The following LMF1 variants were observed in gnomAD, a reference collection of about 807,000 sequenced individuals.
LMF1 encodes lipase maturation factor 1.
In LMF1, 68 loss-of-function variants were observed where a neutral mutation model predicts 60.6. The observed-to-expected ratio is 1.12, with a 90% CI of 0.92 to 1.37. The LOEUF (loss-of-function observed/expected upper bound fraction) is 1.37, where lower values mean the gene tolerates loss of function less well. LMF1 is among the 40% of genes most tolerant of loss of function. The probability of loss-of-function intolerance (pLI) is 0.00; values close to 1 mark genes in which losing one functional copy is unlikely to be tolerated. For missense variants in LMF1, 948 were observed against 767.2 expected (o/e 1.24, Z -2.78); for synonymous variants, 418 against 324.7 (o/e 1.29, Z -3.09).
intron 2 of LMF1, among the ~76,000 whole-genome samples, chr16:951,944 A>G (rs3844421): frequency 0.48 from 72,532 of 151,956 alleles, 18,993 homozygotes; most frequent in African/African-American, 0.7. Flanking sequence ...GGGGCAAACC[A>G]CAAACAGCCA....
chr16:946,000 C>A (rs116569141), intron 2 of LMF1, among the ~76,000 whole-genome samples: 3 of 152,178 alleles, frequency 2.0e-5, no homozygotes, highest in African/African-American at 4.8e-5. Context: ...ATAGGAAACC[C>A]TCTGGAAACA....
intron 1 of LMF1, chr16:979,656 C>A (rs919038913): frequency 2.2e-6 from 1 of 454,000 alleles, no homozygotes; most frequent in African/African-American, 2.0e-5. Context: ...GAAGAGGCCA[C>A]CCTGCCTGCT....
chr16:946,396 A>G (rs1166081316), intron 2 of LMF1, among the ~76,000 whole-genome samples: 1 of 152,208 alleles, frequency 6.6e-6, no homozygotes. Flanking sequence ...GCCAGAAGGA[A>G]GCGCTTCTCC....
At chr16:928,151 A>G (rs2071664672) in intron 3 of LMF1, among the ~76,000 whole-genome samples, 1 of 152,190 alleles carries the variant, frequency 6.6e-6, no homozygotes, top group South Asian at 2.1e-4. Context: ...CTCACACAGG[A>G]GCGCCCGTTG....
At chr16:899,316 T>TA (rs565910789) in intron 4 of LMF1, 119 of 152,406 alleles carry the variant, frequency 7.8e-4, no homozygotes, top group African/African-American at 2.8e-3. Context: ...TATCATTTTC[T>TA]AAAAATTCCC....
chr16:974,397 T>C (rs1041971339), upstream of LMF1, among the ~76,000 whole-genome samples: 17 of 152,064 alleles, frequency 1.1e-4, no homozygotes, highest in Admixed American at 3.3e-4. Context: ...GAGAGTGCCC[T>C]GTCAAGCAAA....
At chr16:923,218 G>C (rs563282866) in intron 3 of LMF1, among the ~76,000 whole-genome samples, 1 of 152,178 alleles carries the variant, frequency 6.6e-6, no homozygotes, top group African/African-American at 2.4e-5. Context: ...TGGGATCTGC[G>C]TCATGGCAAA....
chr16:972,519 T>A (rs1288548828), upstream of LMF1, among the ~76,000 whole-genome samples: 1 of 152,112 alleles, frequency 6.6e-6, no homozygotes, highest in Non-Finnish European at 1.5e-5. Flanking sequence ...GCCCACACTG[T>A]TCCCCTCATC....
chr16:977,593 T>C (rs968954732), intron 1 of LMF1, among the ~76,000 whole-genome samples: 5 of 151,956 alleles, frequency 3.3e-5, no homozygotes, highest in African/African-American at 7.3e-5. Flanking sequence ...TGCCAGCGGG[T>C]TCACGCCCGC....
At chr16:876,189 G>A (rs1401984051) in intron 6 of LMF1, among the ~76,000 whole-genome samples, 1 of 152,264 alleles carries the variant, frequency 6.6e-6, no homozygotes, top group African/African-American at 2.4e-5. Flanking sequence ...CGGAACCGAA[G>A]AGAAACAAGC....
At chr16:976,855 C>G (rs1158741777) in intron 1 of LMF1, 9 of 454,046 alleles carry the variant, frequency 2.0e-5, no homozygotes, top group Admixed American at 4.7e-5. Flanking sequence ...CACATGCGAA[C>G]AGCCTGGGCA....
chr16:856,681 C>G (rs919719321), intron 10 of LMF1, among the ~76,000 whole-genome samples: 1 of 152,248 alleles, frequency 6.6e-6, no homozygotes, highest in African/African-American at 2.4e-5. Flanking sequence ...TCAGAACCCT[C>G]TGTGCCAACT....
Position 977,146 on chromosome 16 carries a change from G to A in LMF1, c.-135+3999C>T, listed in dbSNP as rs1298093961. On this transcript the variant is annotated intron_variant, in intron 1 of 6. Transcript: ENST00000570014. The stretch of plus-strand genomic sequence containing the variant: ...AGTGGTTTTCCACTGCCCTGTGAGC[G>A]CCAGGAAGCTTAAGGCACAGACAAG... The A allele has an allele frequency of 1.5e-5, 7 of 452,792 alleles. No individual in the cohort carries two copies. The East Asian group carries it at 2.1e-4, about 14-fold the overall frequency. The allele number at this position is 452,792 out of a possible 1,614,324, so 28.0% of individuals were successfully genotyped here.
Position 954,621 on chromosome 16 carries a change from C to A in LMF1, c.239G>T (p.Gly80Val). 1 of 1,608,690 alleles carries A rather than the reference C, an allele frequency of 6.2e-7. No individual in the cohort carries two copies. Among genetic ancestry groups the A allele is most frequent in the Non-Finnish European group, 8.5e-7 (1 of 1,176,262 alleles). ...TCTGCAGGGAAGCAGCCCCCTGTCA[C>A]CGATGAGCTGCTTGTTCTGATGGAA... The part of the protein sequence containing the change: ...VAFHQNKQLI[G>V]DRGLLPCRVF... The change falls in exon 2 of 11, where the codon GGT becomes GTT. Residue 80 changes from glycine to valine, a missense_variant. Transcript: ENST00000262301.
chr16:869,268 C>T (rs554472209), intron 9 of LMF1: 1 of 670,046 alleles, frequency 1.5e-6, no homozygotes, highest in Admixed American at 2.1e-5. Flanking sequence ...CGGCCGCTGG[C>T]TTCGCTCCCC....
chr16:884,670 A>G (rs1213047567), intron 5 of LMF1, among the ~76,000 whole-genome samples: 331 of 110,604 alleles, frequency 3.0e-3, no homozygotes, highest in Middle Eastern at 6.8e-3. Flanking sequence ...ATGGAAGCCT[A>G]GATCTCCACG....
chr16:893,520 G>A (rs1245899799), intron 4 of LMF1, among the ~76,000 whole-genome samples: 8 of 152,278 alleles, frequency 5.3e-5, no homozygotes, highest in South Asian at 2.1e-4. Flanking sequence ...CGCCCCCTGC[G>A]GCACAAAGGG....
At chr16:875,123 G>A (rs2097399376) in intron 6 of LMF1, among the ~76,000 whole-genome samples, 1 of 152,146 alleles carries the variant, frequency 6.6e-6, no homozygotes, top group Non-Finnish European at 1.5e-5. Context: ...GACGCAGCCT[G>A]ACCTCCGAGG....
At position 963,514 on chromosome 16, in the gene LMF1, T is replaced by C. The variant is rs1162961830; in HGVS notation, c.193+7274A>G. ...GTACACGTGTGCACATGTACACATG[T>C]ATGTGTGCGTGTGCAGGGATGCATG... On this transcript the variant is annotated intron_variant, in intron 1 of 10. Coordinates refer to ENST00000262301, the MANE Select transcript of LMF1 (RefSeq NM_022773.4). Among the ~76,000 whole-genome samples the C allele has an allele frequency of 2.0e-5, 3 of 152,072 alleles. No homozygotes were observed. In the East Asian group the frequency reaches 5.8e-4, roughly 29 times the overall value.
Sources: allele counts gnomAD v4.1 joint callset (sites outside exome capture counted in the v4.1 genomes callset), GRCh38; gene constraint gnomAD v4.1.1; transcripts MANE v1.5; gene names NCBI Gene and HGNC (gene_info 2026-07-23, HGNC 2026-07-21).